Variants in PMFBP1 observed in about 807,000 individuals in gnomAD.
PMFBP1 encodes the protein polyamine modulated factor 1 binding protein 1.
In PMFBP1, 131 loss-of-function variants were observed where a neutral mutation model predicts 137.8. The ratio of observed to expected loss-of-function variants is 0.95; its 90% CI spans 0.82 to 1.10. The LOEUF (loss-of-function observed/expected upper bound fraction) is 1.10. Among genes scored for constraint, PMFBP1 ranks in the 50% least tolerant of loss-of-function variants. The pLI is 0.00. For missense variants in PMFBP1, 1,199 were observed against 1,175.4 expected, an observed-to-expected ratio of 1.02 and a Z score of -0.29; for synonymous variants, 490 against 450.4, an observed-to-expected ratio of 1.09 and a Z score of -1.11.
chr16:72,240,927 G>C, the PMFBP1 span, among the ~76,000 whole-genome samples: 43 of 151,804 alleles, frequency 2.8e-4, no homozygotes, highest in African/African-American at 1.0e-3. Flanking sequence ...GAGAGAGAGA[G>C]AGAGACAGGG....
At chr16:72,158,607 A>G (rs995435595) in intron 3 of PMFBP1, among the ~76,000 whole-genome samples, 7 of 152,138 alleles carry the variant, frequency 4.6e-5, no homozygotes, top group Non-Finnish European at 7.4e-5. Flanking sequence ...ATGATCACAA[A>G]TAAGTACTTA....
the PMFBP1 span, among the ~76,000 whole-genome samples, chr16:72,217,227 T>C: frequency 3.4e-4 from 52 of 152,250 alleles, no homozygotes; most frequent in African/African-American, 1.2e-3. Flanking sequence ...GACATATGCA[T>C]ATGTACTTGA....
At chr16:72,199,796 CAGCT>C in the PMFBP1 span, among the ~76,000 whole-genome samples, 1 of 152,004 alleles carries the variant, frequency 6.6e-6, no homozygotes, top group Admixed American at 6.5e-5. Flanking sequence ...ATCACTTACT[CAGCT>C]AGTTCCAAGC....
chr16:72,147,233 C>A (rs905201731), intron 5 of PMFBP1, among the ~76,000 whole-genome samples: 3 of 151,902 alleles, frequency 2.0e-5, no homozygotes, highest in Admixed American at 2.0e-4. Context: ...ATCTACAACC[C>A]TCTAATCTTT....
Position 72,129,180 on chromosome 16 carries a change from G to T in PMFBP1, c.1836C>A (p.Ala612=). The change falls in exon 13 of 21, where the codon GCC becomes GCA. Residue 612 remains alanine (A), a synonymous_variant. Transcript: ENST00000237353. ...CCCGTTTGTCCTCCAGAAGCTTTGT[G>T]GCCTCCTGAAGATCTTCTTCTAACT... ...KCKLEEDLQE[A]TKLLEDKREQ... 2 of 1,614,046 alleles carry T rather than the reference G, an allele frequency of 1.2e-6. No homozygotes were observed. Among genetic ancestry groups the T allele is most frequent in the Non-Finnish European group, 8.5e-7 (1 of 1,180,052 alleles).
intron 19 of PMFBP1, among the ~76,000 whole-genome samples, chr16:72,120,849 C>G (rs1182412089): frequency 1.3e-5 from 2 of 152,140 alleles, no homozygotes; most frequent in Non-Finnish European, 2.9e-5. Context: ...TTTCCCAGGT[C>G]CTCTCTTTCC....
chr16:72,136,565 C>T lies in PMFBP1; in HGVS notation c.1086G>A (p.Glu362=). 6.2e-7 allele frequency: 1 copy of T among 1,614,054 alleles called. No individual in the cohort carries two copies. Among genetic ancestry groups the T allele is most frequent in the Non-Finnish European group, 8.5e-7 (1 of 1,179,994 alleles). ...TCCTCTCAATGTGGGCAGATGTCTC[C>T]TCCCGCAGTCCGTGCAGGTCCAGCT... ...KLELDLHGLR[E]ETSAHIERKD... The change falls in exon 9 of 21, where the codon GAG becomes GAA. Residue 362 remains glutamate (E), a synonymous_variant. Transcript: ENST00000237353.
the PMFBP1 span, among the ~76,000 whole-genome samples, chr16:72,247,751 GT>G: frequency 6.6e-6 from 1 of 151,974 alleles, no homozygotes; most frequent in East Asian, 1.9e-4. Flanking sequence ...CTTAATTTTT[GT>G]TTCCTTTCCC....
the PMFBP1 span, among the ~76,000 whole-genome samples, chr16:72,212,179 T>C: frequency 8.5e-5 from 13 of 152,184 alleles, no homozygotes; most frequent in East Asian, 2.3e-3. Context: ...CTATCACTTT[T>C]ATCATATTTT....
chr16:72,202,412 A>G, the PMFBP1 span, among the ~76,000 whole-genome samples: 1 of 152,192 alleles, frequency 6.6e-6, no homozygotes, highest in African/African-American at 2.4e-5. Context: ...TCCTGGGCTC[A>G]AGCCATCCTT....
chr16:72,200,800 T>A, the PMFBP1 span, among the ~76,000 whole-genome samples: 1 of 152,190 alleles, frequency 6.6e-6, no homozygotes, highest in Non-Finnish European at 1.5e-5. Flanking sequence ...ATTTTAAAGA[T>A]GAGAAAATTT....
the PMFBP1 span, among the ~76,000 whole-genome samples, chr16:72,217,901 A>G: frequency 6.6e-6 from 1 of 152,212 alleles, no homozygotes; most frequent in Non-Finnish European, 1.5e-5. Context: ...GCTCTGATTT[A>G]TAGTGTTTGC....
intron 5 of PMFBP1, among the ~76,000 whole-genome samples, chr16:72,143,966 G>C (rs1240261631): frequency 6.6e-6 from 1 of 151,914 alleles, no homozygotes; most frequent in Non-Finnish European, 1.5e-5. Context: ...GCTTGAACCT[G>C]GGAGGCGGAT....
chr16:72,231,795 T>C, the PMFBP1 span, among the ~76,000 whole-genome samples: 14 of 150,424 alleles, frequency 9.3e-5, no homozygotes, highest in Non-Finnish European at 1.9e-4. Flanking sequence ...ATATGTGTTT[T>C]ATTACAAACC....
the PMFBP1 span, chr16:72,224,978 A>G: frequency 2.6e-5 from 4 of 152,182 alleles, no homozygotes; most frequent in African/African-American, 9.7e-5. Flanking sequence ...GTTTTGACAC[A>G]TTTTTTGTTC....
At chr16:72,152,656 C>T (rs1320100759) in intron 4 of PMFBP1, among the ~76,000 whole-genome samples, 2 of 151,882 alleles carry the variant, frequency 1.3e-5, no homozygotes, top group East Asian at 3.9e-4. Context: ...ACCAGCCTGG[C>T]CAACATGGTG....
intron 10 of PMFBP1, 68 bp downstream of exon 10, chr16:72,132,680 G>A (rs1178058161): frequency 1.3e-6 from 2 of 1,595,300 alleles, no homozygotes; most frequent in Admixed American, 1.7e-5. Context: ...GAGAGAGAAG[G>A]TGGCTGCTCT....
chr16:72,123,389 C>T (rs1567619083), intron 18 of PMFBP1, among the ~76,000 whole-genome samples, 157 bp downstream of exon 18: 1 of 152,216 alleles, frequency 6.6e-6, no homozygotes, highest in Non-Finnish European at 1.5e-5. Flanking sequence ...GGGTTGAGCC[C>T]TCCTCTCCAT....
chr16:72,171,293 T>G (rs746544448), intron 1 of PMFBP1, 25 bp from the exon 2 acceptor site: 3 of 1,455,368 alleles, frequency 2.1e-6, no homozygotes, highest in Non-Finnish European at 2.9e-6. Context: ...GTATTTAAGA[T>G]GGAAAAAGTA....
Sources: gnomAD v4.1 joint callset for allele counts (sites outside exome capture counted in the v4.1 genomes callset) on GRCh38, gnomAD v4.1.1 for gene constraint, MANE v1.5 for transcripts, NCBI Gene and HGNC (gene_info 2026-07-23, HGNC 2026-07-21) for gene names.